PDE4D: variants seen among roughly 807,000 people sequenced by gnomAD.
PDE4D encodes phosphodiesterase 4D.
Under a neutral mutation model 87.4 loss-of-function variants are expected in PDE4D, and 24 were observed. That is an observed-to-expected ratio of 0.27 (90% CI 0.20 to 0.39). The LOEUF is 0.39. Among genes scored for constraint, PDE4D ranks in the 10% least tolerant of loss-of-function variants. The pLI, the probability that PDE4D is intolerant of heterozygous loss-of-function variation, is 1.00. For synonymous variants in PDE4D, 384 were observed against 383.2 expected (o/e 1.00, Z -0.02); for missense variants, 714 against 1,041.0 (o/e 0.69, Z 4.32).
chr5:59,303,020 T>C (rs543417592), intron 1 of PDE4D, among the ~76,000 whole-genome samples: 76 of 152,282 alleles, frequency 5.0e-4, no homozygotes, highest in African/African-American at 1.7e-3. Context: ...AAGTGTTTCC[T>C]GATCACCCCT....
At chr5:59,837,022 C>T (rs1256315041) in intron 1 of PDE4D, among the ~76,000 whole-genome samples, 1 of 151,988 alleles carries the variant, frequency 6.6e-6, no homozygotes, top group Non-Finnish European at 1.5e-5. Flanking sequence ...ACTTTTGCTT[C>T]TCCATGTTAC....
rs570751432 is a variant in PDE4D at position 59,824,707 on chromosome 5, A to G, written c.455+68461T>C. On this transcript the variant is annotated intron_variant, in intron 1 of 14. Coordinates refer to ENST00000340635, the MANE Select transcript of PDE4D (RefSeq NM_001104631.2). ...GTCCCAGTCTTTTGTATGCTTCACAATCTCCTGGATATTGCCCAGCTCCCC... is the reference window on the plus strand; with the variant it reads ...GTCCCAGTCTTTTGTATGCTTCACAGTCTCCTGGATATTGCCCAGCTCCCC... Among the ~76,000 whole-genome samples the G allele has an allele frequency of 3.2e-4, 49 of 152,232 alleles. No homozygotes were observed. The South Asian group carries it at 9.3e-3, about 29-fold the overall frequency.
At chr5:60,246,605 T>TGAA (rs1438977154) in intron 1 of PDE4D, among the ~76,000 whole-genome samples, 1 of 151,824 alleles carries the variant, frequency 6.6e-6, no homozygotes, top group Non-Finnish European at 1.5e-5. Context: ...ACTTTAGTTT[T>TGAA]CACCTTTATA....
At chr5:59,190,393 G>T (rs1744047921) in intron 3 of PDE4D, among the ~76,000 whole-genome samples, 1 of 151,774 alleles carries the variant, frequency 6.6e-6, no homozygotes, top group Non-Finnish European at 1.5e-5. Flanking sequence ...TTGTCTTTTT[G>T]AGAAGCATAG....
intron 1 of PDE4D, among the ~76,000 whole-genome samples, chr5:60,276,238 T>C (rs1435940358): frequency 6.6e-6 from 1 of 152,214 alleles, no homozygotes; most frequent in East Asian, 1.9e-4. Flanking sequence ...GAGTCTTAAC[T>C]GTAATTGAAG....
At chr5:60,323,833 C>T (rs1452531346) in intron 1 of PDE4D, among the ~76,000 whole-genome samples, 1 of 151,866 alleles carries the variant, frequency 6.6e-6, no homozygotes, top group Non-Finnish European at 1.5e-5. Flanking sequence ...TTTCAGTGCC[C>T]TGATCTGCTA....
chr5:59,173,990 CTAAG>C (rs1387549917), intron 5 of PDE4D, among the ~76,000 whole-genome samples: 1 of 152,130 alleles, frequency 6.6e-6, no homozygotes, highest in African/African-American at 2.4e-5. Flanking sequence ...AAAGGCAGAT[CTAAG>C]TAAGTAGCCA....
intron 1 of PDE4D, among the ~76,000 whole-genome samples, chr5:59,567,544 G>T (rs1168459216): frequency 6.6e-6 from 1 of 152,136 alleles, no homozygotes; most frequent in Non-Finnish European, 1.5e-5. Context: ...ATATAAAGTT[G>T]ACTATATCAA....
At chr5:59,211,689 C>G (rs1236802532) in intron 2 of PDE4D, among the ~76,000 whole-genome samples, 1 of 151,874 alleles carries the variant, frequency 6.6e-6, no homozygotes, top group East Asian at 1.9e-4. Flanking sequence ...GTGAGTATAT[C>G]AAATAAGATA....
chr5:58,990,738 C>T (rs1747715478), intron 9 of PDE4D, 66 bp downstream of exon 9: 1 of 808,634 alleles, frequency 1.2e-6, no homozygotes, highest in South Asian at 1.6e-5. Flanking sequence ...AAAATGTATG[C>T]ATAAGCTACA....
chr5:59,874,225 A>G (rs1448598413), intron 1 of PDE4D, among the ~76,000 whole-genome samples: 2 of 152,164 alleles, frequency 1.3e-5, no homozygotes, highest in African/African-American at 4.8e-5. Flanking sequence ...TAAGATTTAG[A>G]GTTGGTGAGT....
intron 1 of PDE4D, among the ~76,000 whole-genome samples, chr5:59,375,845 AAGT>A (rs1784627793): frequency 6.6e-6 from 1 of 152,228 alleles, no homozygotes; most frequent in Non-Finnish European, 1.5e-5. Context: ...CACCACAATC[AAGT>A]AGGCTTCATC....
chr5:60,287,562 C>T (rs897016193), intron 1 of PDE4D, among the ~76,000 whole-genome samples: 1 of 152,130 alleles, frequency 6.6e-6, no homozygotes, highest in Non-Finnish European at 1.5e-5. Context: ...TTAATAAATT[C>T]CCTCAATCCA....
At chr5:59,168,921 A>G (rs924603814) in intron 5 of PDE4D, among the ~76,000 whole-genome samples, 1 of 152,180 alleles carries the variant, frequency 6.6e-6, no homozygotes, top group African/African-American at 2.4e-5. Context: ...CAGGAATAGC[A>G]ACGGTGTCTA....
At chr5:59,302,983 T>C (rs768635104) in intron 1 of PDE4D, among the ~76,000 whole-genome samples, 10 of 152,234 alleles carry the variant, frequency 6.6e-5, no homozygotes, top group Non-Finnish European at 1.2e-4. Context: ...ATGGCTGTAC[T>C]AGTTTGCATT....
intron 1 of PDE4D, among the ~76,000 whole-genome samples, chr5:60,390,732 A>T (rs1255974460): frequency 6.6e-6 from 1 of 152,052 alleles, no homozygotes; most frequent in Non-Finnish European, 1.5e-5. Context: ...ACTATTAAAA[A>T]AATCAACCTG....
chr5:59,754,586 A>G (rs1235830856), intron 1 of PDE4D, among the ~76,000 whole-genome samples: 2 of 152,162 alleles, frequency 1.3e-5, no homozygotes, highest in Non-Finnish European at 2.9e-5. Context: ...CCTGGGCCCT[A>G]CAAATTACGT....
chr5:60,067,016 A>G (rs193027614), intron 2 of PDE4D, among the ~76,000 whole-genome samples: 54 of 152,260 alleles, frequency 3.5e-4, no homozygotes, highest in African/African-American at 1.2e-3. Context: ...ATAATAAAAT[A>G]CGAAAGAAAG....
At chr5:59,354,064 T>C (rs1485272533) in intron 1 of PDE4D, among the ~76,000 whole-genome samples, 1 of 152,108 alleles carries the variant, frequency 6.6e-6, no homozygotes, top group East Asian at 1.9e-4. Context: ...GGAAAAATAT[T>C]CCAGTTAAAG....
Sources: allele counts gnomAD v4.1 joint callset (sites outside exome capture counted in the v4.1 genomes callset), GRCh38; gene constraint gnomAD v4.1.1; transcripts MANE v1.5; gene names NCBI Gene and HGNC (gene_info 2026-07-23, HGNC 2026-07-21).